KSR2: variants seen among roughly 807,000 people sequenced by gnomAD.
KSR2 encodes kinase suppressor of ras 2.
In KSR2, 25 loss-of-function variants were observed where a neutral mutation model predicts 107.8. The ratio of observed to expected loss-of-function variants is 0.23; its 90% confidence interval spans 0.17 to 0.32. The LOEUF is 0.32. Ranked by LOEUF, KSR2 falls within the 10% of genes least tolerant of loss-of-function variation. The pLI, the probability that KSR2 is intolerant of heterozygous loss-of-function variation, is 1.00. For missense variants in KSR2, 887 were observed against 1,268.9 expected, an observed-to-expected ratio of 0.70 and a Z score of 4.57; for synonymous variants, 480 against 507.0, an observed-to-expected ratio of 0.95 and a Z score of 0.71.
rs1050108954 is a variant in KSR2, at chr12:117,899,624, C to T, written c.181-39193G>A. Among the ~76,000 whole-genome samples, 4 of 152,222 alleles carry T rather than the reference C, an allele frequency of 2.6e-5. 1 individual carries two copies. The highest frequency in any genetic ancestry group is 2.4e-5 in the African/African-American group (1 of 41,462). ...TGTGGTAGGCAGAAGCCTAAGATGGCCCCATGATATCTAATGCTGCCCCTG... is the reference window on the plus strand; with the variant it reads ...TGTGGTAGGCAGAAGCCTAAGATGGTCCCATGATATCTAATGCTGCCCCTG... On this transcript the variant is annotated intron_variant, in intron 1 of 19. Coordinates refer to ENST00000339824, the MANE Select transcript of KSR2 (RefSeq NM_173598.6).
intron 4 of KSR2, among the ~76,000 whole-genome samples, chr12:117,689,608 G>A (rs1885733866): frequency 6.6e-6 from 1 of 152,070 alleles, no homozygotes; most frequent in African/African-American, 2.4e-5. Context: ...GGGCATGGGT[G>A]GATGACCCCT....
At chr12:117,758,395 C>A (rs774692158) in intron 4 of KSR2, among the ~76,000 whole-genome samples, 1 of 152,102 alleles carries the variant, frequency 6.6e-6, no homozygotes, top group Non-Finnish European at 1.5e-5. Flanking sequence ...TCCCTGTGAA[C>A]CTGGAGGCAT....
chr12:117,698,854 G>C (rs1463404418), intron 4 of KSR2, among the ~76,000 whole-genome samples: 1 of 152,140 alleles, frequency 6.6e-6, no homozygotes, highest in Non-Finnish European at 1.5e-5. Flanking sequence ...TCTCCTGACT[G>C]GGCCCATCAG....
At position 117,597,349 on chromosome 12, in the gene KSR2, T is replaced by C. The variant is rs140470067; in HGVS notation, c.1172-14990A>G. Among the ~76,000 whole-genome samples, 29 of 152,332 alleles carry C rather than the reference T, an allele frequency of 1.9e-4. No homozygotes were observed. In the East Asian group the frequency reaches 5.6e-3, roughly 29 times the overall value. On this transcript the variant is annotated intron_variant, in intron 5 of 19. Transcript: ENST00000339824. ...TTTCACACCAACATAATACTTCATA[T>C]GGCAAAAGGGACTTTGAAGATGTGA...
chr12:117,930,119 C>A (rs1012809127), intron 1 of KSR2, among the ~76,000 whole-genome samples: 1 of 152,066 alleles, frequency 6.6e-6, no homozygotes, highest in African/African-American at 2.4e-5. Context: ...CTGCAACCTC[C>A]GCCTCCCAGC....
chr12:117,772,823 C>T (rs757624830), intron 3 of KSR2, among the ~76,000 whole-genome samples: 3 of 152,174 alleles, frequency 2.0e-5, no homozygotes, highest in Non-Finnish European at 2.9e-5. Flanking sequence ...CCACCGGGGC[C>T]ACGGGAACAT....
At chr12:117,929,652 T>C (rs1240098767) in intron 1 of KSR2, among the ~76,000 whole-genome samples, 2 of 152,226 alleles carry the variant, frequency 1.3e-5, no homozygotes, top group African/African-American at 4.8e-5. Flanking sequence ...GCAGTGTATC[T>C]ATACAATGGA....
intron 5 of KSR2, among the ~76,000 whole-genome samples, chr12:117,632,542 A>G (rs539457383): frequency 6.6e-6 from 1 of 152,004 alleles, no homozygotes; most frequent in South Asian, 2.1e-4. Flanking sequence ...TCCTTTTTCT[A>G]GCTTTGATTT....
chr12:117,943,555 C>T (rs1896077665), intron 1 of KSR2, among the ~76,000 whole-genome samples: 1 of 145,094 alleles, frequency 6.9e-6, no homozygotes, highest in Non-Finnish European at 1.5e-5. Flanking sequence ...TCTCAAGAGC[C>T]ACAAGTTGGA....
At chr12:117,924,572 C>CAA (rs58789868) in intron 1 of KSR2, among the ~76,000 whole-genome samples, 537 of 39,060 alleles carry the variant, frequency 0.014, 14 homozygotes, top group African/African-American at 0.029. Context: ...AGCTCCATCT[C>CAA]AAAAAAAAAA....
At chr12:117,479,676 T>G (rs1872033549) in intron 16 of KSR2, among the ~76,000 whole-genome samples, 1 of 152,222 alleles carries the variant, frequency 6.6e-6, no homozygotes, top group Non-Finnish European at 1.5e-5. Context: ...CAAATCTCAG[T>G]GTTTCAGGAT....
chr12:117,543,896 G>T (rs1279126993), intron 9 of KSR2, among the ~76,000 whole-genome samples: 1 of 152,160 alleles, frequency 6.6e-6, no homozygotes. Context: ...TCATTACTTA[G>T]ATTGCAGTTG....
intron 3 of KSR2, among the ~76,000 whole-genome samples, chr12:117,824,467 C>T (rs1307248904): frequency 1.3e-5 from 2 of 152,180 alleles, no homozygotes; most frequent in African/African-American, 4.8e-5. Context: ...GATATTCCTA[C>T]ACTTTTTGAT....
Position 117,910,783 on chromosome 12 carries a change from G to A in KSR2, c.181-50352C>T, listed in dbSNP as rs369387620. 1.4e-3 allele frequency among the ~76,000 whole-genome samples: 212 copies of A among 152,246 alleles called. 1 individual carries two copies. The highest frequency in any genetic ancestry group is 8.9e-3 in the South Asian group (43 of 4,826). ...TTGAATGTCAGTTTAGAAGGTAGGC[G>A]TGAATCTAGCATGTGGCACACTATA... is the stretch of plus-strand genomic sequence containing the variant. On this transcript the variant is annotated intron_variant, in intron 1 of 19. Transcript: ENST00000339824.
intron 4 of KSR2, among the ~76,000 whole-genome samples, chr12:117,734,198 T>C (rs1300215649): frequency 6.6e-6 from 1 of 150,946 alleles, no homozygotes; most frequent in Non-Finnish European, 1.5e-5. Context: ...GGAGAATCAC[T>C]TGAACCTGTG....
intron 1 of KSR2, among the ~76,000 whole-genome samples, chr12:117,901,630 C>T (rs544578901): frequency 1.3e-5 from 2 of 151,586 alleles, no homozygotes; most frequent in Non-Finnish European, 1.5e-5. Flanking sequence ...AAAATTAAAA[C>T]GCAAAAAAGA....
intron 3 of KSR2, among the ~76,000 whole-genome samples, chr12:117,775,365 G>A (rs563355046): frequency 6.6e-6 from 1 of 152,314 alleles, no homozygotes; most frequent in East Asian, 1.9e-4. Context: ...CCATCCTAGT[G>A]GGTGTTTAAT....
intron 4 of KSR2, among the ~76,000 whole-genome samples, chr12:117,671,145 AC>A (rs2136498173): frequency 6.6e-6 from 1 of 152,192 alleles, no homozygotes; most frequent in South Asian, 2.1e-4. Flanking sequence ...GCCTGGCTAA[AC>A]CCTACTTGTC....
chr12:117,684,996 A>G (rs1490489188), intron 4 of KSR2, among the ~76,000 whole-genome samples: 2 of 152,178 alleles, frequency 1.3e-5, no homozygotes, highest in Non-Finnish European at 2.9e-5. Flanking sequence ...TTAGACTCGC[A>G]ATCTGGGAGG....
Sources: gnomAD v4.1 joint callset for allele counts (sites outside exome capture counted in the v4.1 genomes callset) on GRCh38, gnomAD v4.1.1 for gene constraint, MANE v1.5 for transcripts, NCBI Gene and HGNC (gene_info 2026-07-23, HGNC 2026-07-21) for gene names.